Variants in CERS3 observed in about 807,000 individuals in gnomAD.
CERS3 encodes LAG1 homolog, ceramide synthase 3.
Under a neutral mutation model 50.3 loss-of-function variants are expected in CERS3, and 33 were observed. The ratio of observed to expected loss-of-function variants is 0.66; its 90% CI spans 0.50 to 0.88. The LOEUF is 0.88. Ranked by LOEUF, CERS3 falls within the 40% of genes least tolerant of loss-of-function variation. CERS3 has a pLI of 0.00. For missense variants in CERS3, 470 were observed against 460.3 expected (o/e 1.02, Z -0.19); for synonymous variants, 176 against 155.2 (o/e 1.13, Z -0.99).
chr15:100,400,506 A>G lies in CERS3; in HGVS notation c.*2207T>C, dbSNP rs1458883483. 1 of 152,210 alleles carries G rather than the reference A, an allele frequency of 6.6e-6. No individual in the cohort carries two copies. Among genetic ancestry groups the G allele is most frequent in the Non-Finnish European group, 1.5e-5 (1 of 68,048 alleles). The allele number at this position is 152,210 out of a possible 1,614,324, so 9.4% of individuals were successfully genotyped here. ...AATCCTGAGCCCTTGTTTCCTGTAG[A>G]AAGAGTGGTTTCCTTTAAAATTAAC... On this transcript the variant is annotated 3_prime_UTR_variant, in exon 12 of 12. Coordinates refer to ENST00000679737, the MANE Select transcript of CERS3 (RefSeq NM_001378789.1).
intron 2 of CERS3, among the ~76,000 whole-genome samples, chr15:100,503,435 G>A (rs2036070246): frequency 6.6e-6 from 1 of 152,310 alleles, no homozygotes; most frequent in African/African-American, 2.4e-5. Context: ...AGCAGGCTAG[G>A]CCTTAGAGCG....
At position 100,467,850 on chromosome 15, in the gene CERS3, TATAG is replaced by T. The variant is rs1555528323; in HGVS notation, c.845+1524_845+1527del. 2.4e-4 allele frequency among the ~76,000 whole-genome samples: 22 copies of T among 93,136 alleles called. 1 individual carries two copies. The highest frequency in any genetic ancestry group is 4.5e-4 in the African/African-American group (12 of 26,772). The allele number at this position is 93,136 out of a possible 152,430, so 61.1% of individuals were successfully genotyped here. ...ATATATATACGTGTATATATATATATATAGATAGATAGATAGATAGATAGATAGA... is the reference window on the plus strand; with the variant it reads ...ATATATATACGTGTATATATATATATATAGATAGATAGATAGATAGATAGA... On this transcript the variant is annotated intron_variant, in intron 10 of 11. Transcript: ENST00000679737.
At chr15:100,409,624 C>T (rs896141734) in intron 11 of CERS3, among the ~76,000 whole-genome samples, 2 of 152,170 alleles carry the variant, frequency 1.3e-5, no homozygotes, top group Non-Finnish European at 2.9e-5. Flanking sequence ...GAAACTCTAC[C>T]TGTCTGCTTT....
intron 11 of CERS3, among the ~76,000 whole-genome samples, chr15:100,409,509 T>C (rs1463512174): frequency 6.6e-6 from 1 of 152,200 alleles, no homozygotes; most frequent in African/African-American, 2.4e-5. Flanking sequence ...GCAGATTTTT[T>C]CCAGTAATTA....
chr15:100,504,924 C>T (rs564636373), intron 2 of CERS3, among the ~76,000 whole-genome samples: 2 of 152,208 alleles, frequency 1.3e-5, no homozygotes, highest in Non-Finnish European at 2.9e-5. Flanking sequence ...CATCTCAGAA[C>T]AAGAGCATAC....
chr15:100,478,224 A>G (rs963225921), intron 7 of CERS3, among the ~76,000 whole-genome samples: 1 of 152,244 alleles, frequency 6.6e-6, no homozygotes, highest in Non-Finnish European at 1.5e-5. Flanking sequence ...AATAACTGAA[A>G]TTGAGAATTC....
At chr15:100,512,460 C>T (rs2036371690) in intron 2 of CERS3, among the ~76,000 whole-genome samples, 1 of 152,130 alleles carries the variant, frequency 6.6e-6, no homozygotes, top group South Asian at 2.1e-4. Context: ...GCAGCTCTCC[C>T]AGAACCCTAC....
At chr15:100,524,813 A>G (rs2036740779) in intron 1 of CERS3, among the ~76,000 whole-genome samples, 1 of 152,220 alleles carries the variant, frequency 6.6e-6, no homozygotes, top group African/African-American at 2.4e-5. Context: ...TTTATTGTTC[A>G]GCCTGTGTCA....
intron 11 of CERS3, among the ~76,000 whole-genome samples, chr15:100,406,122 T>C (rs1215268832): frequency 3.3e-5 from 5 of 152,186 alleles, no homozygotes; most frequent in Non-Finnish European, 7.3e-5. Flanking sequence ...GTGCTATAGA[T>C]CCACCCTCAT....
At chr15:100,479,724 A>G (rs192932520) in intron 6 of CERS3, among the ~76,000 whole-genome samples, 180 of 152,264 alleles carry the variant, frequency 1.2e-3, no homozygotes, top group African/African-American at 4.1e-3. Flanking sequence ...TAAGATAAGT[A>G]AATAGTGCTG....
At chr15:100,501,306 C>G (rs1039327768) in intron 3 of CERS3, among the ~76,000 whole-genome samples, 11 of 152,182 alleles carry the variant, frequency 7.2e-5, no homozygotes, top group African/African-American at 2.7e-4. Flanking sequence ...GAGTCATAGA[C>G]TCTTCTAGCA....
intron 6 of CERS3, 70 bp from the exon 7 acceptor site, chr15:100,479,548 G>T: frequency 2.6e-6 from 3 of 1,168,166 alleles, no homozygotes; most frequent in Non-Finnish European, 3.7e-6. Context: ...GTCAATTTTG[G>T]CAGAAAACCT....
intron 1 of CERS3, among the ~76,000 whole-genome samples, chr15:100,528,422 A>G (rs1326448486): frequency 6.6e-6 from 1 of 152,200 alleles, no homozygotes; most frequent in Non-Finnish European, 1.5e-5. Flanking sequence ...CTTTCCTGAT[A>G]AACCAAGCTA....
Position 100,497,351 on chromosome 15 carries a change from T to TAG in CERS3, c.173+4325_173+4326insCT, listed in dbSNP as rs1309279780. 5.9e-4 allele frequency among the ~76,000 whole-genome samples: 90 copies of TAG among 151,562 alleles called. 2 individuals are homozygous for TAG. The highest frequency in any genetic ancestry group is 2.9e-3 in the South Asian group (14 of 4,790). ...GTGTGTGTGTGTATGTATATATATATATAGAGAGAAAAATACATATATATA... is the reference window on the plus strand; with the variant it reads ...GTGTGTGTGTGTATGTATATATATATAGATAGAGAGAAAAATACATATATATA... On this transcript the variant is annotated intron_variant, in intron 3 of 11. Transcript: ENST00000679737.
At chr15:100,479,146 G>T (rs1241948795) in intron 7 of CERS3, among the ~76,000 whole-genome samples, 4 of 152,046 alleles carry the variant, frequency 2.6e-5, no homozygotes, top group Admixed American at 6.5e-5. Context: ...CCATAGAAAA[G>T]CAAGAAGGGA....
intron 2 of CERS3, among the ~76,000 whole-genome samples, chr15:100,506,875 AT>A (rs2036201320): frequency 6.6e-6 from 1 of 152,218 alleles, no homozygotes; most frequent in South Asian, 2.1e-4. Context: ...TGGTTGCACA[AT>A]TCTGTAAATA....
chr15:100,439,891 C>T (rs1336573668), intron 11 of CERS3, among the ~76,000 whole-genome samples: 1 of 152,218 alleles, frequency 6.6e-6, no homozygotes, highest in Non-Finnish European at 1.5e-5. Context: ...CAAAGGACAA[C>T]ATGAGAAATC....
upstream of CERS3, among the ~76,000 whole-genome samples, chr15:100,531,701 C>T (rs144075688): frequency 2.2e-3 from 341 of 152,254 alleles, 1 homozygote; most frequent in African/African-American, 7.3e-3. Flanking sequence ...GAGCAAGATG[C>T]ATGCACGTGG....
At chr15:100,459,692 T>C (rs1414754594) in intron 10 of CERS3, among the ~76,000 whole-genome samples, 2 of 152,196 alleles carry the variant, frequency 1.3e-5, no homozygotes, top group African/African-American at 2.4e-5. Flanking sequence ...AATATAATGT[T>C]ACACTGCTTT....
Sources: gnomAD v4.1 joint callset for allele counts (sites outside exome capture counted in the v4.1 genomes callset) on GRCh38, gnomAD v4.1.1 for gene constraint, MANE v1.5 for transcripts, NCBI Gene and HGNC (gene_info 2026-07-23, HGNC 2026-07-21) for gene names.